The following FAM193A variants were observed in gnomAD, a reference collection of about 807,000 sequenced individuals.
The protein encoded by FAM193A is protein FAM193A.
In FAM193A, 22 loss-of-function variants were observed where a neutral mutation model predicts 126.5. The observed-to-expected ratio is 0.17, with a 90% confidence interval of 0.12 to 0.25. The LOEUF (loss-of-function observed/expected upper bound fraction) is 0.25, where lower values mean the gene tolerates loss of function less well. Among genes scored for constraint, FAM193A ranks in the 10% least tolerant of loss-of-function variants. FAM193A has a pLI of 1.00. For missense variants in FAM193A, 1,675 were observed against 1,672.8 expected (o/e 1.00, Z -0.02); for synonymous variants, 761 against 646.8 (o/e 1.18, Z -2.68).
intron 20 of FAM193A, among the ~76,000 whole-genome samples, chr4:2,725,526 C>CCTT (rs1207619040): frequency 6.6e-6 from 1 of 151,662 alleles, no homozygotes; most frequent in Non-Finnish European, 1.5e-5. Flanking sequence ...ACATCCTACC[C>CCTT]CTTCCCCCAC....
intron 1 of FAM193A, among the ~76,000 whole-genome samples, chr4:2,593,300 C>A (rs1013103196): frequency 6.6e-6 from 1 of 152,098 alleles, no homozygotes; most frequent in Non-Finnish European, 1.5e-5. Context: ...TCTCTCTGCA[C>A]GCAGCCTCAG....
At chr4:2,720,660 A>AAG (rs1418605222) in intron 20 of FAM193A, among the ~76,000 whole-genome samples, 2 of 152,078 alleles carry the variant, frequency 1.3e-5, no homozygotes, top group Non-Finnish European at 2.9e-5. Flanking sequence ...AAAAAAAAAA[A>AAG]AAAACAGTTA....
chr4:2,540,224 C>T (rs1737145529), intron 1 of FAM193A, among the ~76,000 whole-genome samples: 1 of 152,138 alleles, frequency 6.6e-6, no homozygotes, highest in Non-Finnish European at 1.5e-5. Context: ...AATCCCAGCA[C>T]TGTGGGAGGC....
At chr4:2,554,274 G>A (rs1738123641) in intron 1 of FAM193A, among the ~76,000 whole-genome samples, 1 of 151,826 alleles carries the variant, frequency 6.6e-6, no homozygotes, top group Non-Finnish European at 1.5e-5. Context: ...TAGTAGAGAC[G>A]GGATTTCACC....
intron 13 of FAM193A, among the ~76,000 whole-genome samples, chr4:2,677,279 G>A (rs1217979416): frequency 6.6e-6 from 1 of 152,034 alleles, no homozygotes; most frequent in Non-Finnish European, 1.5e-5. Flanking sequence ...TCCAGTTTTG[G>A]GCTTTCTGTT....
chr4:2,652,057 A>G (rs921968042), intron 7 of FAM193A, among the ~76,000 whole-genome samples: 5 of 152,122 alleles, frequency 3.3e-5, no homozygotes, highest in African/African-American at 1.2e-4. Context: ...CTCAGATTTC[A>G]TTTCAGGGAC....
chr4:2,606,721 C>A (rs887920343), intron 2 of FAM193A, among the ~76,000 whole-genome samples: 1 of 152,246 alleles, frequency 6.6e-6, no homozygotes, highest in Middle Eastern at 3.4e-3. Flanking sequence ...GATATTAATA[C>A]TTTTCATCAT....
At chr4:2,599,214 CTG>C (rs1741048643) in intron 2 of FAM193A, among the ~76,000 whole-genome samples, 2 of 150,684 alleles carry the variant, frequency 1.3e-5, no homozygotes, top group Admixed American at 6.6e-5. Context: ...TAAAGTTAAA[CTG>C]TTTTTTTTTT....
chr4:2,574,372 C>G (rs1739462913), intron 1 of FAM193A, among the ~76,000 whole-genome samples: 1 of 152,192 alleles, frequency 6.6e-6, no homozygotes, highest in Non-Finnish European at 1.5e-5. Context: ...AGACAGTGCC[C>G]AGGCGTCCTG....
intron 1 of FAM193A, among the ~76,000 whole-genome samples, chr4:2,550,401 C>T (rs1737840699): frequency 6.6e-6 from 1 of 151,622 alleles, no homozygotes; most frequent in Admixed American, 6.6e-5. Context: ...ACCAGCTTTA[C>T]ATTCCTAGAA....
intron 1 of FAM193A, among the ~76,000 whole-genome samples, chr4:2,540,577 G>A (rs1194001965): frequency 2.0e-5 from 3 of 152,158 alleles, no homozygotes; most frequent in African/African-American, 7.2e-5. Context: ...GAACCCAGGA[G>A]GCTGAGCTTG....
At chr4:2,552,008 ATT>A (rs71178476) in intron 1 of FAM193A, among the ~76,000 whole-genome samples, 1 of 111,714 alleles carries the variant, frequency 9.0e-6, no homozygotes, top group Non-Finnish European at 1.7e-5. Context: ...GTCTGGGTAA[ATT>A]TTTTTTTTTT....
intron 20 of FAM193A, among the ~76,000 whole-genome samples, chr4:2,717,598 G>GAAA (rs571958608): frequency 0.01 from 1,157 of 115,318 alleles, 23 homozygotes; most frequent in African/African-American, 0.036. Flanking sequence ...TTTGTCTCAG[G>GAAA]AAAAAAAAAA....
At chr4:2,724,486 A>C (rs1173972786) in intron 20 of FAM193A, among the ~76,000 whole-genome samples, 3 of 152,208 alleles carry the variant, frequency 2.0e-5, no homozygotes, top group African/African-American at 7.2e-5. Flanking sequence ...CATGTTAGTC[A>C]GAATTTTAGC....
At chr4:2,724,643 G>GT (rs1362133407) in intron 20 of FAM193A, among the ~76,000 whole-genome samples, 1 of 152,198 alleles carries the variant, frequency 6.6e-6, no homozygotes, top group African/African-American at 2.4e-5. Flanking sequence ...GAGCCCAGGA[G>GT]TTTGAGGTGT....
intron 2 of FAM193A, chr4:2,608,272 G>T: frequency 3.0e-6 from 2 of 670,994 alleles, no homozygotes; most frequent in Non-Finnish European, 2.5e-6. Flanking sequence ...TTCACCTCCT[G>T]TGTTCAAGCA....
At chr4:2,621,586 C>T (rs1172259159) in intron 2 of FAM193A, among the ~76,000 whole-genome samples, 2 of 152,188 alleles carry the variant, frequency 1.3e-5, no homozygotes, top group African/African-American at 2.4e-5. Flanking sequence ...TCTCACTCTG[C>T]TGCTGCTTGG....
At chr4:2,568,594 A>T (rs1739105881) in intron 1 of FAM193A, among the ~76,000 whole-genome samples, 1 of 152,230 alleles carries the variant, frequency 6.6e-6, no homozygotes, top group African/African-American at 2.4e-5. Flanking sequence ...GACAGAGGCC[A>T]GCCAATTTCG....
chr4:2,706,157 A>AT (rs1289830281), intron 19 of FAM193A, among the ~76,000 whole-genome samples: 3 of 152,190 alleles, frequency 2.0e-5, no homozygotes, highest in Non-Finnish European at 2.9e-5. Context: ...ACAATGAGCT[A>AT]TAATTGTGCC....
Sources: gnomAD v4.1 joint callset for allele counts (sites outside exome capture counted in the v4.1 genomes callset) on GRCh38, gnomAD v4.1.1 for gene constraint, MANE v1.5 for transcripts, NCBI Gene and HGNC (gene_info 2026-07-23, HGNC 2026-07-21) for gene names.